SOX6: variants seen among roughly 807,000 people sequenced by gnomAD.
SOX6 encodes transcription factor SOX-6.
SOX6 carries 11 observed loss-of-function variants against 97.8 expected under a neutral mutation model. That is an observed-to-expected ratio of 0.11 (90% confidence interval 0.07 to 0.19). SOX6 has a LOEUF of 0.19. Ranked by LOEUF, SOX6 falls within the 10% of genes least tolerant of loss-of-function variation. The pLI is 1.00. For synonymous variants in SOX6, 360 were observed against 371.4 expected (o/e 0.97, Z 0.35); for missense variants, 810 against 1,039.5 (o/e 0.78, Z 3.04).
intron 13 of SOX6, among the ~76,000 whole-genome samples, chr11:16,006,521 A>G (rs1174145317): frequency 2.0e-5 from 3 of 152,184 alleles, no homozygotes; most frequent in Admixed American, 6.6e-5. Flanking sequence ...ATGAAGGTCT[A>G]TCTGCTTAAT....
chr11:16,181,302 A>G (rs1005208897), intron 6 of SOX6, among the ~76,000 whole-genome samples: 8 of 151,702 alleles, frequency 5.3e-5, no homozygotes, highest in Admixed American at 3.9e-4. Context: ...TGCTTTTGAA[A>G]GAGAAGTTAA....
At chr11:16,585,622 A>T (rs528163020) in intron 4 of SOX6, among the ~76,000 whole-genome samples, 1 of 152,152 alleles carries the variant, frequency 6.6e-6, no homozygotes, top group South Asian at 2.1e-4. Context: ...GTTTTCAAAC[A>T]CAGCATTAAT....
chr11:16,348,604 G>A (rs1293452047), intron 1 of SOX6, among the ~76,000 whole-genome samples: 1 of 151,996 alleles, frequency 6.6e-6, no homozygotes, highest in Non-Finnish European at 1.5e-5. Context: ...ATATTAATAA[G>A]AGCACTACAA....
intron 12 of SOX6, among the ~76,000 whole-genome samples, chr11:16,029,872 C>A (rs1161688692): frequency 1.3e-5 from 2 of 151,974 alleles, no homozygotes; most frequent in African/African-American, 4.8e-5. Context: ...TTATAATATA[C>A]CTCTTATTTA....
At chr11:16,306,611 C>CTTT (rs750981587) in intron 3 of SOX6, among the ~76,000 whole-genome samples, 1 of 120,798 alleles carries the variant, frequency 8.3e-6, no homozygotes. Context: ...CCTCAAATTT[C>CTTT]TTTTTTTTTT....
At chr11:16,510,365 T>C (rs1860859768) in intron 4 of SOX6, among the ~76,000 whole-genome samples, 3 of 152,214 alleles carry the variant, frequency 2.0e-5, no homozygotes, top group African/African-American at 7.2e-5. Context: ...CTATTTTTTT[T>C]CCCTTCAACT....
chr11:16,117,833 C>T (rs1007291664), intron 6 of SOX6, among the ~76,000 whole-genome samples: 7 of 152,128 alleles, frequency 4.6e-5, no homozygotes, highest in Admixed American at 3.3e-4. Flanking sequence ...CCAGGAAAGG[C>T]AGTCACATTG....
intron 3 of SOX6, among the ~76,000 whole-genome samples, chr11:16,275,911 G>C (rs796685431): frequency 1.2e-4 from 18 of 152,182 alleles, no homozygotes; most frequent in African/African-American, 3.9e-4. Context: ...AGTTATCTGG[G>C]AGACTTTTCT....
At chr11:16,396,958 G>C (rs1858376636) in intron 1 of SOX6, among the ~76,000 whole-genome samples, 1 of 151,386 alleles carries the variant, frequency 6.6e-6, no homozygotes, top group Non-Finnish European at 1.5e-5. Flanking sequence ...GATGAAATAA[G>C]TACTGGGACC....
At chr11:16,480,679 A>G (rs1400046498), upstream of SOX6, among the ~76,000 whole-genome samples, 2 of 145,548 alleles carry the variant, frequency 1.4e-5, no homozygotes, top group Non-Finnish European at 3.0e-5. Flanking sequence ...TATGTGAGTT[A>G]GCAAGAAAGT....
intron 4 of SOX6, among the ~76,000 whole-genome samples, chr11:16,521,278 C>T (rs1690193655): frequency 6.6e-6 from 1 of 152,142 alleles, no homozygotes; most frequent in African/African-American, 2.4e-5. Flanking sequence ...TCCTCTGAGA[C>T]AAAACTTCCA....
chr11:16,688,994 G>C (rs1219842922), intron 3 of SOX6, among the ~76,000 whole-genome samples: 1 of 152,060 alleles, frequency 6.6e-6, no homozygotes, highest in African/African-American at 2.4e-5. Flanking sequence ...GTCTAATTTT[G>C]CCTCCCTACT....
intron 2 of SOX6, among the ~76,000 whole-genome samples, chr11:16,319,272 G>A (rs1054165169): frequency 5.3e-5 from 8 of 152,116 alleles, no homozygotes; most frequent in Non-Finnish European, 1.0e-4. Flanking sequence ...TAGCTACACA[G>A]CTGTCCAAAG....
Position 16,088,923 on chromosome 11 carries a change from T to C in SOX6, c.1101+7073A>G, listed in dbSNP as rs549120040. ...TCATACATATCTGTCACTTATTTAC[T>C]TTTGTTTTAGTTCATACCATTCAAG... On this transcript the variant is annotated intron_variant, in intron 9 of 15. Coordinates refer to ENST00000683767, the MANE Select transcript of SOX6 (RefSeq NM_001367873.1). Among the ~76,000 whole-genome samples the C allele has an allele frequency of 3.3e-5, 5 of 152,282 alleles. No individual in the cohort carries two copies. The South Asian group carries it at 1.0e-3, about 32-fold the overall frequency.
chr11:16,380,088 T>C (rs1354184302), intron 1 of SOX6, among the ~76,000 whole-genome samples: 5 of 151,914 alleles, frequency 3.3e-5, no homozygotes, highest in African/African-American at 1.2e-4. Flanking sequence ...AAAGTGTATA[T>C]ACCTTAATAT....
chr11:16,596,139 C>T (rs900291321), intron 4 of SOX6, among the ~76,000 whole-genome samples: 2 of 152,208 alleles, frequency 1.3e-5, no homozygotes, highest in African/African-American at 2.4e-5. Flanking sequence ...TCTCTAAGAT[C>T]ATGCTTGTCC....
At chr11:16,020,574 G>C (rs1164817621) in intron 12 of SOX6, among the ~76,000 whole-genome samples, 1 of 152,036 alleles carries the variant, frequency 6.6e-6, no homozygotes, top group African/African-American at 2.4e-5. Context: ...GGTTGGCAGT[G>C]ACTTGCCTTT....
intron 3 of SOX6, among the ~76,000 whole-genome samples, chr11:16,269,162 A>G (rs867031165): frequency 6.6e-6 from 1 of 150,764 alleles, no homozygotes. Flanking sequence ...TGGCTATACC[A>G]TATATTAAAA....
At chr11:16,588,214 G>A (rs1323623584) in intron 4 of SOX6, among the ~76,000 whole-genome samples, 2 of 152,150 alleles carry the variant, frequency 1.3e-5, no homozygotes, top group Non-Finnish European at 1.5e-5. Context: ...TAAAGGGGAA[G>A]CACAGAACAC....
Sources: gnomAD v4.1 joint callset for allele counts (sites outside exome capture counted in the v4.1 genomes callset) on GRCh38, gnomAD v4.1.1 for gene constraint, MANE v1.5 for transcripts, NCBI Gene and HGNC (gene_info 2026-07-23, HGNC 2026-07-21) for gene names.